Variants in TRPS1 observed in about 807,000 individuals in gnomAD.
TRPS1 encodes the protein transcriptional repressor GATA binding 1.
Under a neutral mutation model 101.2 loss-of-function variants are expected in TRPS1, and 6 were observed. The ratio of observed to expected loss-of-function variants is 0.06; its 90% CI spans 0.03 to 0.12. The LOEUF (loss-of-function observed/expected upper bound fraction) is 0.12, where lower values mean the gene tolerates loss of function less well. Ranked by LOEUF, TRPS1 falls within the 10% of genes least tolerant of loss-of-function variation. The probability of loss-of-function intolerance (pLI) is 1.00; values close to 1 mark genes in which losing one functional copy is unlikely to be tolerated. For missense variants in TRPS1, 1,363 were observed against 1,567.0 expected (o/e 0.87, Z 2.20); for synonymous variants, 578 against 589.8 (o/e 0.98, Z 0.29).
chr8:115,594,961 T>C (rs975677179), intron 4 of TRPS1, among the ~76,000 whole-genome samples: 2 of 152,058 alleles, frequency 1.3e-5, no homozygotes, highest in Non-Finnish European at 2.9e-5. Context: ...GATAATAGCA[T>C]GTTACTTTCA....
At chr8:115,626,403 A>G (rs1239486478) in intron 1 of TRPS1, among the ~76,000 whole-genome samples, 1 of 151,850 alleles carries the variant, frequency 6.6e-6, no homozygotes, top group African/African-American at 2.4e-5. Flanking sequence ...AAACTCAAGA[A>G]TCACTGAAGG....
intron 5 of TRPS1, among the ~76,000 whole-genome samples, chr8:115,544,170 A>C (rs1278260201): frequency 6.6e-6 from 1 of 150,394 alleles, no homozygotes; most frequent in Non-Finnish European, 1.5e-5. Context: ...GCTAAGAGGA[A>C]GGATCTAGTA....
intron 4 of TRPS1, among the ~76,000 whole-genome samples, chr8:115,593,728 T>G (rs1009496545): frequency 6.6e-6 from 1 of 152,174 alleles, no homozygotes; most frequent in Non-Finnish European, 1.5e-5. Flanking sequence ...ACATGAAAAC[T>G]TCAAAGACAT....
At chr8:115,481,735 A>G (rs757009314) in intron 5 of TRPS1, among the ~76,000 whole-genome samples, 3 of 152,214 alleles carry the variant, frequency 2.0e-5, no homozygotes, top group Non-Finnish European at 4.4e-5. Context: ...CTGGATAAGT[A>G]TATCTGCTGA....
intron 1 of TRPS1, among the ~76,000 whole-genome samples, chr8:115,636,661 C>G (rs1818773702): frequency 6.6e-6 from 1 of 152,162 alleles, no homozygotes; most frequent in South Asian, 2.1e-4. Context: ...CGCCTTTAAC[C>G]CCAACACTTT....
intron 5 of TRPS1, among the ~76,000 whole-genome samples, chr8:115,575,226 A>T (rs148397184): frequency 6.6e-6 from 1 of 152,310 alleles, no homozygotes; most frequent in East Asian, 1.9e-4. Flanking sequence ...AGAAATCGAT[A>T]GACAGTTTTT....
At chr8:115,424,218 T>C (rs1335262834) in intron 5 of TRPS1, among the ~76,000 whole-genome samples, 1 of 152,260 alleles carries the variant, frequency 6.6e-6, no homozygotes, top group Non-Finnish European at 1.5e-5. Context: ...ATCTGATTTA[T>C]ATAATGTTAG....
chr8:115,445,307 C>T (rs1418977845), intron 5 of TRPS1, among the ~76,000 whole-genome samples: 2 of 152,152 alleles, frequency 1.3e-5, no homozygotes. Flanking sequence ...AGGCAACTTG[C>T]TTTATGTCTA....
At chr8:115,507,644 C>A (rs533331650) in intron 5 of TRPS1, among the ~76,000 whole-genome samples, 1 of 152,016 alleles carries the variant, frequency 6.6e-6, no homozygotes, top group African/African-American at 2.4e-5. Flanking sequence ...TAAAACATTC[C>A]GCTAATATTA....
intron 1 of TRPS1, among the ~76,000 whole-genome samples, chr8:115,665,126 T>C (rs1811890936): frequency 6.6e-6 from 1 of 152,194 alleles, no homozygotes; most frequent in Non-Finnish European, 1.5e-5. Context: ...AAAATATTCA[T>C]GTTATGAAAA....
chr8:115,587,351 C>T lies in TRPS1; in HGVS notation c.2350G>A (p.Glu784Lys). The T allele has an allele frequency of 1.2e-6, 2 of 1,614,212 alleles. No homozygotes were observed. Among genetic ancestry groups the T allele is most frequent in the Admixed American group, 3.3e-5 (2 of 60,020 alleles). ...SESVVKREKLEEKDGLKEKVW... is the reference protein window; with the variant it reads ...SESVVKREKLKEKDGLKEKVW... Reference sequence around the variant, plus strand: ...TTCTCTTTGAGCCCGTCCTTCTCTTCCAGCTTCTCTCTCTTCACCACACTC... The same window carrying T: ...TTCTCTTTGAGCCCGTCCTTCTCTTTCAGCTTCTCTCTCTTCACCACACTC... Residue 784 changes from glutamate (E) to lysine (K), a missense_variant, in exon 5 of 7, where the codon GAA becomes AAA. Coordinates refer to ENST00000395715, the MANE Select transcript of TRPS1 (RefSeq NM_014112.5).
At chr8:115,511,997 C>A (rs566051539) in intron 5 of TRPS1, among the ~76,000 whole-genome samples, 1 of 151,752 alleles carries the variant, frequency 6.6e-6, no homozygotes, top group Non-Finnish European at 1.5e-5. Context: ...TAGAAACTAT[C>A]GCATCAACGT....
intron 5 of TRPS1, among the ~76,000 whole-genome samples, chr8:115,477,215 T>C (rs889926217): frequency 6.6e-6 from 1 of 152,162 alleles, no homozygotes; most frequent in Admixed American, 6.5e-5. Flanking sequence ...TGAGAGAACA[T>C]GACACTTGGA....
At chr8:115,535,304 T>TATATAGCATATATATAGCATATATAG (rs1563583154) in intron 5 of TRPS1, among the ~76,000 whole-genome samples, 16 of 107,540 alleles carry the variant, frequency 1.5e-4, no homozygotes, top group African/African-American at 3.0e-4. Context: ...AGCATATATA[T>TATATAGCATATATATAGCATATATAG]AGCATATATA....
At chr8:115,579,843 A>T (rs1233803960) in intron 5 of TRPS1, among the ~76,000 whole-genome samples, 2 of 152,136 alleles carry the variant, frequency 1.3e-5, no homozygotes, top group Non-Finnish European at 2.9e-5. Context: ...ATTACAAGTG[A>T]GAGGGAGGCA....
intron 3 of TRPS1, among the ~76,000 whole-genome samples, chr8:115,609,499 G>A (rs1486662646): frequency 1.3e-5 from 2 of 152,198 alleles, no homozygotes; most frequent in African/African-American, 4.8e-5. Flanking sequence ...GAAGGGAGAT[G>A]TAAGCAGATG....
chr8:115,624,868 C>A (rs1029852681), intron 1 of TRPS1, among the ~76,000 whole-genome samples: 2 of 151,620 alleles, frequency 1.3e-5, no homozygotes, highest in African/African-American at 4.8e-5. Context: ...AAGAGGGCAC[C>A]TTCACAGCAA....
chr8:115,658,205 T>C (rs886904451), intron 1 of TRPS1, among the ~76,000 whole-genome samples: 1 of 152,084 alleles, frequency 6.6e-6, no homozygotes, highest in African/African-American at 2.4e-5. Context: ...GGAAGAAATC[T>C]AGTTGTGCTT....
In TRPS1 at chr8:115,631,959, A is replaced by AAAAT. The variant is rs149903348; in HGVS notation, c.-121-8205_-121-8202dup. Among the ~76,000 whole-genome samples the AAAAT allele has an allele frequency of 9.5e-3, 1,451 of 152,210 alleles. 9 individuals are homozygous for AAAAT. The highest frequency in any genetic ancestry group is 0.016 in the Non-Finnish European group (1,063 of 67,984). On this transcript the variant is annotated intron_variant, in intron 1 of 6. Transcript: ENST00000395715. ...ATAAGAACTACTGAATTTATTTTTT[A>AAAAT]AAATGGTAAATCACAGCCATGTTGG...
Sources: gnomAD v4.1 joint callset for allele counts (sites outside exome capture counted in the v4.1 genomes callset) on GRCh38, gnomAD v4.1.1 for gene constraint, MANE v1.5 for transcripts, NCBI Gene and HGNC (gene_info 2026-07-23, HGNC 2026-07-21) for gene names.